RIMBP2: variants seen among roughly 807,000 people sequenced by gnomAD.
The protein encoded by RIMBP2 is RIMS-binding protein 2.
Under a neutral mutation model 118.6 loss-of-function variants are expected in RIMBP2, and 48 were observed. The observed-to-expected ratio is 0.40, with a 90% confidence interval of 0.32 to 0.51. The LOEUF (loss-of-function observed/expected upper bound fraction) is 0.51. Among genes scored for constraint, RIMBP2 ranks in the 20% least tolerant of loss-of-function variants. The pLI is 0.41. For synonymous variants in RIMBP2, 762 were observed against 742.9 expected (o/e 1.03, Z -0.42); for missense variants, 1,551 against 1,768.3 (o/e 0.88, Z 2.20).
chr12:130,485,996 AAG>A (rs1195921618), intron 4 of RIMBP2, among the ~76,000 whole-genome samples: 1 of 152,172 alleles, frequency 6.6e-6, no homozygotes. Context: ...CTGGGAGGAC[AAG>A]GTTTGCTGGG....
intron 11 of RIMBP2, among the ~76,000 whole-genome samples, chr12:130,439,319 ATG>A (rs542741196): frequency 7.0e-6 from 1 of 142,074 alleles, no homozygotes. Context: ...GTGTGTATAG[ATG>A]TGTGTAAGTG....
chr12:130,599,223 ATC>A (rs2059731751), intron 2 of RIMBP2, among the ~76,000 whole-genome samples: 1 of 152,202 alleles, frequency 6.6e-6, no homozygotes, highest in African/African-American at 2.4e-5. Context: ...CTTTTTTTAG[ATC>A]TGACACCAAA....
chr12:130,604,380 T>A (rs1413077963), intron 2 of RIMBP2, among the ~76,000 whole-genome samples: 2 of 149,168 alleles, frequency 1.3e-5, no homozygotes, highest in Non-Finnish European at 3.0e-5. Context: ...CTTTGAATCA[T>A]GTTTTAGGCT....
At chr12:130,503,588 C>T (rs1343093678) in intron 4 of RIMBP2, among the ~76,000 whole-genome samples, 3 of 152,208 alleles carry the variant, frequency 2.0e-5, no homozygotes, top group Non-Finnish European at 2.9e-5. Flanking sequence ...TCCTCCATTG[C>T]TATGAAAATG....
chr12:130,438,301 C>T, intron 12 of RIMBP2, 64 bp downstream of exon 12: 4 of 1,577,278 alleles, frequency 2.5e-6, no homozygotes, highest in Admixed American at 1.7e-5. Context: ...TGAGCAAATA[C>T]CGGGCCGGTC....
intron 7 of RIMBP2, 83 bp downstream of exon 7, chr12:130,456,413 G>A (rs951640514): frequency 7.1e-6 from 9 of 1,273,808 alleles, no homozygotes; most frequent in African/African-American, 3.0e-5. Context: ...TCACCAAACC[G>A]ATTTCACCTG....
intron 21 of RIMBP2, among the ~76,000 whole-genome samples, chr12:130,402,928 T>TG (rs971106399): frequency 6.6e-6 from 1 of 151,746 alleles, no homozygotes; most frequent in African/African-American, 2.4e-5. Context: ...CACGATGGGG[T>TG]GTTAGAAGTC....
intron 2 of RIMBP2, among the ~76,000 whole-genome samples, chr12:130,612,259 A>C (rs1246037333): frequency 6.6e-6 from 1 of 152,120 alleles, no homozygotes; most frequent in East Asian, 1.9e-4. Context: ...CCACGGTGAA[A>C]ACAGGCCTTC....
chr12:130,646,087 TTCCCTCTCCACCTCCCTCTCC>T lies in RIMBP2; in HGVS notation c.-351-17652_-351-17632del, dbSNP rs1566421968. Among the ~76,000 whole-genome samples, 201 of 60,522 alleles carry T rather than the reference TTCCCTCTCCACCTCCCTCTCC, an allele frequency of 3.3e-3. 9 individuals are homozygous for T. The highest frequency in any genetic ancestry group is 4.2e-3 in the African/African-American group (65 of 15,380). 39.7% of individuals were successfully genotyped at this position (60,522 alleles called of 152,430 possible). A position where few individuals can be genotyped will look rare whatever the true frequency, so the allele number is the denominator to read the frequency against. On this transcript the variant is annotated intron_variant, in intron 1 of 22. Transcript: ENST00000690449. ...CCTGCCTCTCCACCTCCCTCACCAC[TTCCCTCTCCACCTCCCTCTCC>T]ACCTCCCTCACCACCTGCCTCTCCA...
At chr12:130,456,395 G>T (rs2079438300) in intron 7 of RIMBP2, 101 bp downstream of exon 7, 2 of 991,950 alleles carry the variant, frequency 2.0e-6, no homozygotes, top group Non-Finnish European at 2.9e-6. Flanking sequence ...TGTACCCTCT[G>T]CCAGGTGTCA....
intron 15 of RIMBP2, chr12:130,425,166 C>G (rs1287559810): frequency 7.4e-6 from 2 of 270,540 alleles, no homozygotes; most frequent in East Asian, 1.3e-4. Context: ...ACATCAGGCC[C>G]CACAGTGCCC....
chr12:130,592,740 G>A (rs1349221080), intron 2 of RIMBP2, among the ~76,000 whole-genome samples: 2 of 151,276 alleles, frequency 1.3e-5, no homozygotes, highest in South Asian at 2.1e-4. Flanking sequence ...CAGAGAACCC[G>A]GGGGACCTTG....
At chr12:130,571,489 G>A (rs1018715950) in intron 2 of RIMBP2, among the ~76,000 whole-genome samples, 16 of 148,370 alleles carry the variant, frequency 1.1e-4, no homozygotes, top group East Asian at 2.0e-4. Context: ...GCACAATCTC[G>A]GCTCACTGCA....
chr12:130,677,774 C>T (rs2064565099), intron 1 of RIMBP2, among the ~76,000 whole-genome samples: 1 of 152,224 alleles, frequency 6.6e-6, no homozygotes, highest in Non-Finnish European at 1.5e-5. Flanking sequence ...CAAACCGGAC[C>T]ACTGTGGCAA....
intron 2 of RIMBP2, among the ~76,000 whole-genome samples, chr12:130,612,811 A>T (rs2060640024): frequency 6.6e-6 from 1 of 152,152 alleles, no homozygotes; most frequent in South Asian, 2.1e-4. Flanking sequence ...CATCCGGGTG[A>T]AGCAAGGTAC....
intron 7 of RIMBP2, among the ~76,000 whole-genome samples, chr12:130,454,293 G>C (rs1441110586): frequency 6.6e-6 from 1 of 152,210 alleles, no homozygotes; most frequent in Admixed American, 6.5e-5. Context: ...CTCAAAGTTG[G>C]AAAAAATGTA....
chr12:130,439,978 T>TGTGG (rs148451071), intron 11 of RIMBP2, among the ~76,000 whole-genome samples: 2,420 of 151,488 alleles, frequency 0.016, 67 homozygotes, highest in African/African-American at 0.056. Flanking sequence ...GATGTGTGTG[T>TGTGG]GTGGGGTGTG....
intron 7 of RIMBP2, among the ~76,000 whole-genome samples, chr12:130,453,549 G>A (rs922238089): frequency 1.3e-5 from 2 of 152,362 alleles, no homozygotes; most frequent in South Asian, 2.1e-4. Context: ...TGCACCTGGA[G>A]GACTCTCTGC....
chr12:130,639,724 C>G (rs1032187975), intron 1 of RIMBP2, among the ~76,000 whole-genome samples: 3 of 152,090 alleles, frequency 2.0e-5, no homozygotes, highest in Non-Finnish European at 4.4e-5. Context: ...CGAATGGCAC[C>G]TGGCTCATGG....
Sources: allele counts gnomAD v4.1 joint callset (sites outside exome capture counted in the v4.1 genomes callset), GRCh38; gene constraint gnomAD v4.1.1; transcripts MANE v1.5; gene names NCBI Gene and HGNC (gene_info 2026-07-23, HGNC 2026-07-21).